AK8: variants seen among roughly 807,000 people sequenced by gnomAD.
AK8 encodes the protein ATP-AMP transphosphorylase 8.
AK8 carries 44 observed loss-of-function variants against 54.6 expected under a neutral mutation model. The ratio of observed to expected loss-of-function variants is 0.81; its 90% CI spans 0.63 to 1.04. The LOEUF is 1.04. Ranked by LOEUF, AK8 falls within the 50% of genes least tolerant of loss-of-function variation. The pLI is 0.00. For synonymous variants in AK8, 239 were observed against 245.6 expected, an observed-to-expected ratio of 0.97 and a Z score of 0.25; for missense variants, 555 against 613.6, an observed-to-expected ratio of 0.90 and a Z score of 1.01.
At chr9:132,813,183 C>T (rs375402687) in intron 10 of AK8, among the ~76,000 whole-genome samples, 4 of 150,850 alleles carry the variant, frequency 2.7e-5, no homozygotes, top group African/African-American at 7.3e-5. Flanking sequence ...CTGTGGCCAC[C>T]GCAGACACCC....
At chr9:132,773,448 C>T (rs1839070630) in intron 11 of AK8, among the ~76,000 whole-genome samples, 1 of 152,196 alleles carries the variant, frequency 6.6e-6, no homozygotes, top group Non-Finnish European at 1.5e-5. Flanking sequence ...TTCTCCATAG[C>T]ACACAACATA....
At chr9:132,777,874 C>G (rs1839291777) in intron 11 of AK8, among the ~76,000 whole-genome samples, 1 of 152,206 alleles carries the variant, frequency 6.6e-6, no homozygotes, top group Non-Finnish European at 1.5e-5. Flanking sequence ...AACACACGCC[C>G]CACTTTCTTT....
intron 11 of AK8, among the ~76,000 whole-genome samples, chr9:132,738,409 C>A (rs1254910574): frequency 6.6e-6 from 1 of 151,832 alleles, no homozygotes. Context: ...AATGACTGTT[C>A]AACTCTTCTT....
chr9:132,835,552 T>C (rs141383808), intron 5 of AK8, among the ~76,000 whole-genome samples: 1,931 of 152,336 alleles, frequency 0.013, 26 homozygotes, highest in Non-Finnish European at 0.012. Context: ...CGGAAAGCAG[T>C]GGCTTTGGAA....
At chr9:132,848,085 C>A (rs114061770) in intron 5 of AK8, among the ~76,000 whole-genome samples, 1 of 133,208 alleles carries the variant, frequency 7.5e-6, no homozygotes, top group African/African-American at 2.7e-5. Context: ...CATTGCACTC[C>A]GGCCTGGGCA....
chr9:132,811,655 A>G (rs1179163453), intron 10 of AK8, among the ~76,000 whole-genome samples: 1 of 152,222 alleles, frequency 6.6e-6, no homozygotes, highest in Non-Finnish European at 1.5e-5. Context: ...GTACCCAGAG[A>G]TGGCAAAGAC....
chr9:132,770,007 G>A lies in AK8; in HGVS notation c.1121+22627C>T, dbSNP rs1838889891. On this transcript the variant is annotated intron_variant, in intron 11 of 12. Coordinates refer to ENST00000298545, the MANE Select transcript of AK8 (RefSeq NM_152572.3). The surrounding 1 kb of genome is among the most constrained non-coding windows in gnomAD (Gnocchi z 4.3). ...AAGGCTAATTATTGTTGAGCGGAGA[G>A]GGGGACTGCTCCCAGGGCTCCAGGC... 1 of 152,118 alleles carries A rather than the reference G, an allele frequency of 6.6e-6. No individual in the cohort carries two copies. Among genetic ancestry groups the A allele is most frequent in the Non-Finnish European group, 1.5e-5 (1 of 68,042 alleles). The allele number at this position is 152,118 out of a possible 1,614,324, so 9.4% of individuals were successfully genotyped here. A position where few individuals can be genotyped will look rare whatever the true frequency, so the allele number is the denominator to read the frequency against.
At chr9:132,856,334 C>T (rs775160833) in intron 4 of AK8, among the ~76,000 whole-genome samples, 93 of 152,346 alleles carry the variant, frequency 6.1e-4, no homozygotes, top group Middle Eastern at 3.4e-3. Flanking sequence ...CTGCTCCTGG[C>T]GGCTGCGATA....
At chr9:132,847,793 C>A (rs943517556) in intron 5 of AK8, among the ~76,000 whole-genome samples, 2 of 152,106 alleles carry the variant, frequency 1.3e-5, no homozygotes, top group Non-Finnish European at 2.9e-5. Flanking sequence ...CCAGCCTGGG[C>A]AACATGGTGA....
intron 11 of AK8, among the ~76,000 whole-genome samples, chr9:132,754,597 C>T (rs1187934135): frequency 6.6e-6 from 1 of 152,100 alleles, no homozygotes; most frequent in Non-Finnish European, 1.5e-5. Context: ...TTGCCGCTGC[C>T]CTCTCTGTGA....
chr9:132,738,907 C>A (rs1042382196), intron 11 of AK8, among the ~76,000 whole-genome samples: 1 of 151,636 alleles, frequency 6.6e-6, no homozygotes, highest in Non-Finnish European at 1.5e-5. Context: ...GGTTTGTGTA[C>A]CACACCCAGC....
chr9:132,821,385 G>A (rs1208379408), intron 9 of AK8, among the ~76,000 whole-genome samples: 1 of 152,096 alleles, frequency 6.6e-6, no homozygotes, highest in Non-Finnish European at 1.5e-5. Context: ...AACACTGCTG[G>A]AAATTTCATC....
At position 132,799,752 on chromosome 9, in the gene AK8, C is replaced by T. The variant is rs1422019595; in HGVS notation, c.980-6977G>A. Among the ~76,000 whole-genome samples, 1 of 152,150 alleles carries T rather than the reference C, an allele frequency of 6.6e-6. No homozygotes were observed. Among genetic ancestry groups the T allele is most frequent in the Non-Finnish European group, 1.5e-5 (1 of 68,030 alleles). ...AACACACCTACATACCTACACCGCA[C>T]CCACACTGCCTCTCCTCATCCCTCA... On this transcript the variant is annotated intron_variant, in intron 10 of 12. Coordinates refer to ENST00000298545, the MANE Select transcript of AK8 (RefSeq NM_152572.3). The surrounding 1 kb of genome is among the most constrained non-coding windows in gnomAD (Gnocchi z 5.0).
At chr9:132,867,728 T>C (rs1030683075) in intron 2 of AK8, among the ~76,000 whole-genome samples, 7 of 152,236 alleles carry the variant, frequency 4.6e-5, no homozygotes, top group Non-Finnish European at 8.8e-5. Context: ...CCTTTCTCTG[T>C]TCTAGGCCTG....
intron 11 of AK8, among the ~76,000 whole-genome samples, chr9:132,731,337 CTGGA>C (rs1236927442): frequency 1.3e-5 from 2 of 152,080 alleles, no homozygotes; most frequent in Non-Finnish European, 2.9e-5. Context: ...GTCACCTTGA[CTGGA>C]TGAAGGAGCT....
intron 8 of AK8, among the ~76,000 whole-genome samples, chr9:132,825,414 A>C (rs945789435): frequency 6.6e-6 from 1 of 152,200 alleles, no homozygotes; most frequent in African/African-American, 2.4e-5. Flanking sequence ...AATTTAATTA[A>C]GTAATTTGGA....
intron 5 of AK8, among the ~76,000 whole-genome samples, chr9:132,845,130 C>T (rs1274737490): frequency 6.6e-6 from 1 of 152,230 alleles, no homozygotes; most frequent in Non-Finnish European, 1.5e-5. Context: ...ATTACAGCCT[C>T]TTGCATAGTG....
intron 10 of AK8, among the ~76,000 whole-genome samples, chr9:132,812,530 T>TGCCCACTGGGATGACGAGTGAGCCGCCGC (rs1841086253): frequency 7.7e-6 from 1 of 130,644 alleles, no homozygotes; most frequent in Middle Eastern, 3.4e-3. Flanking sequence ...TGAGCTACCG[T>TGCCCACTGGGATGACGAGTGAGCCGCCGC]GCCCACTGGG....
intron 11 of AK8, among the ~76,000 whole-genome samples, chr9:132,756,823 C>T (rs1347983007): frequency 6.6e-6 from 1 of 152,124 alleles, no homozygotes; most frequent in African/African-American, 2.4e-5. Context: ...CATAAAACGA[C>T]TCACTCAAGG....
Sources: allele counts gnomAD v4.1 joint callset (sites outside exome capture counted in the v4.1 genomes callset), GRCh38; gene constraint gnomAD v4.1.1; non-coding constraint Gnocchi (gnomAD v3.1); transcripts MANE v1.5; gene names NCBI Gene and HGNC (gene_info 2026-07-23, HGNC 2026-07-21).